Variants in RARB observed in about 807,000 individuals in gnomAD.
The protein encoded by RARB is HBV-activated protein.
In RARB, 17 loss-of-function variants were observed where a neutral mutation model predicts 51.9. The observed-to-expected ratio is 0.33, with a 90% confidence interval of 0.22 to 0.49. The LOEUF (loss-of-function observed/expected upper bound fraction) is 0.49, where lower values mean the gene tolerates loss of function less well. Ranked by LOEUF, RARB falls within the 20% of genes least tolerant of loss-of-function variation. The pLI is 0.99. For missense variants in RARB, 369 were observed against 550.8 expected (o/e 0.67, Z 3.30); for synonymous variants, 215 against 195.4 (o/e 1.10, Z -0.84).
At chr3:25,113,733 T>G (rs978277118) in intron 3 of RARB, among the ~76,000 whole-genome samples, 2 of 151,860 alleles carry the variant, frequency 1.3e-5, no homozygotes, top group South Asian at 4.2e-4. Context: ...TAGGGAAGGA[T>G]CTTGAATTAA....
chr3:24,884,284 G>A (rs1020559425), intron 2 of RARB, among the ~76,000 whole-genome samples: 1 of 152,168 alleles, frequency 6.6e-6, no homozygotes, highest in African/African-American at 2.4e-5. Flanking sequence ...TCCAGTAAAG[G>A]AGGTTGGAAG....
intron 3 of RARB, among the ~76,000 whole-genome samples, chr3:25,548,261 A>C (rs886745700): frequency 6.6e-6 from 1 of 152,144 alleles, no homozygotes; most frequent in Admixed American, 6.6e-5. Context: ...AAAAAATTAG[A>C]TTTAAACACA....
exon 5 of RARB, chr3:25,174,515 C>G (rs1478023360): frequency 1.5e-6 from 2 of 1,352,146 alleles, no homozygotes; most frequent in Non-Finnish European, 9.8e-7. Flanking sequence ...TTCCCTGCCT[C>G]CCCTCCATGG....
chr3:25,200,081 A>T (rs1280658793), intron 5 of RARB, among the ~76,000 whole-genome samples: 3 of 152,062 alleles, frequency 2.0e-5, no homozygotes, highest in East Asian at 1.9e-4. Context: ...AAGTATTCCT[A>T]TTTCTCCACA....
At chr3:25,360,953 G>T (rs1335675419) in intron 5 of RARB, among the ~76,000 whole-genome samples, 2 of 152,082 alleles carry the variant, frequency 1.3e-5, no homozygotes, top group East Asian at 3.9e-4. Flanking sequence ...ATGATGATGT[G>T]TCTTGGAGTT....
chr3:25,579,440 A>C (rs1378188270), intron 4 of RARB, among the ~76,000 whole-genome samples: 1 of 152,178 alleles, frequency 6.6e-6, no homozygotes. Flanking sequence ...CTTTTCCAGA[A>C]CGTCATATAA....
In RARB at chr3:24,918,552, T is replaced by C. The variant is rs181860774; in HGVS notation, c.-380+59800T>C. On this transcript the variant is annotated intron_variant, in intron 2 of 11. Coordinates refer to the RARB transcript ENST00000383772. ...TATAACAGGTGAATGTTATGGTATG[T>C]TAATAACATCTCAAAGCTGTTACAA... Among the ~76,000 whole-genome samples the C allele has an allele frequency of 1.7e-4, 26 of 152,342 alleles. No individual in the cohort carries two copies. In the East Asian group the frequency reaches 4.6e-3, roughly 27 times the overall value.
At chr3:25,486,199 G>A (rs1696459599) in intron 2 of RARB, among the ~76,000 whole-genome samples, 1 of 152,180 alleles carries the variant, frequency 6.6e-6, no homozygotes, top group African/African-American at 2.4e-5. Flanking sequence ...GTCACAAAAG[G>A]TATAGAGCTA....
At chr3:25,410,244 G>C (rs879929386) in intron 5 of RARB, among the ~76,000 whole-genome samples, 20 of 152,196 alleles carry the variant, frequency 1.3e-4, no homozygotes, top group African/African-American at 4.6e-4. Context: ...AGTAGGCCTA[G>C]TCTGCCTCCC....
chr3:25,421,572 C>T (rs141070784), intron 5 of RARB, among the ~76,000 whole-genome samples: 6,377 of 151,726 alleles, frequency 0.042, 441 homozygotes, highest in African/African-American at 0.15. Flanking sequence ...CCACCATGCC[C>T]GGCTAATTTT....
At chr3:25,535,465 G>A (rs1023113456) in intron 3 of RARB, among the ~76,000 whole-genome samples, 4 of 150,456 alleles carry the variant, frequency 2.7e-5, no homozygotes, top group African/African-American at 9.8e-5. Flanking sequence ...GAATGTGCAG[G>A]TTTGTTACAT....
intron 2 of RARB, among the ~76,000 whole-genome samples, chr3:25,478,365 T>A (rs539346019): frequency 1.7e-4 from 26 of 152,328 alleles, no homozygotes; most frequent in Middle Eastern, 3.4e-3. Flanking sequence ...AATCACAGGC[T>A]CTTTCTTCAG....
chr3:25,092,984 A>G (rs73141468), intron 3 of RARB, among the ~76,000 whole-genome samples: 1 of 152,086 alleles, frequency 6.6e-6, no homozygotes, highest in African/African-American at 2.4e-5. Flanking sequence ...TGATATTCCA[A>G]TTGCCTTTCC....
At chr3:25,445,752 G>A (rs1708902792) in intron 1 of RARB, among the ~76,000 whole-genome samples, 1 of 152,104 alleles carries the variant, frequency 6.6e-6, no homozygotes, top group African/African-American at 2.4e-5. Flanking sequence ...AAATTGTCAG[G>A]AGTTCTCTAA....
At chr3:24,905,695 A>T (rs995299810) in intron 2 of RARB, among the ~76,000 whole-genome samples, 3 of 152,232 alleles carry the variant, frequency 2.0e-5, no homozygotes, top group Non-Finnish European at 4.4e-5. Context: ...CTTGAGTGAG[A>T]CAAAATAATG....
intron 2 of RARB, among the ~76,000 whole-genome samples, chr3:25,483,617 A>G (rs766957849): frequency 6.0e-5 from 9 of 148,882 alleles, no homozygotes; most frequent in Non-Finnish European, 1.0e-4. Context: ...CAAATGAAGC[A>G]CTGGCTTTCT....
At chr3:25,535,984 A>G (rs1364476866) in intron 3 of RARB, among the ~76,000 whole-genome samples, 2 of 152,314 alleles carry the variant, frequency 1.3e-5, no homozygotes, top group Non-Finnish European at 2.9e-5. Flanking sequence ...AGTGGCTTAC[A>G]AGAGTTCCAG....
chr3:25,356,612 C>T (rs1024953489), intron 5 of RARB, among the ~76,000 whole-genome samples: 24 of 151,808 alleles, frequency 1.6e-4, no homozygotes, highest in African/African-American at 5.8e-4. Context: ...TTTGCTGCAC[C>T]CATCAACCCA....
intron 2 of RARB, among the ~76,000 whole-genome samples, chr3:24,896,414 C>A (rs1703480247): frequency 6.6e-6 from 1 of 152,114 alleles, no homozygotes; most frequent in Non-Finnish European, 1.5e-5. Flanking sequence ...GGCGCACCAC[C>A]ACGTCCGGCT....
Sources: gnomAD v4.1 joint callset for allele counts (sites outside exome capture counted in the v4.1 genomes callset) on GRCh38, gnomAD v4.1.1 for gene constraint, MANE v1.5 for transcripts, NCBI Gene and HGNC (gene_info 2026-07-23, HGNC 2026-07-21) for gene names.